Variants in PPFIA4 observed in about 807,000 individuals in gnomAD.
The protein encoded by PPFIA4 is liprin-alpha-4.
In PPFIA4, 98 loss-of-function variants were observed where a neutral mutation model predicts 145.7. That is an observed-to-expected ratio of 0.67 (90% CI 0.57 to 0.80). The LOEUF is 0.80. Among genes scored for constraint, PPFIA4 ranks in the 30% least tolerant of loss-of-function variants. The pLI is 0.00. For synonymous variants in PPFIA4, 628 were observed against 649.6 expected, an observed-to-expected ratio of 0.97 and a Z score of 0.51; for missense variants, 1,457 against 1,632.7, an observed-to-expected ratio of 0.89 and a Z score of 1.85.
Position 203,043,389 on chromosome 1 carries a change from G to T in PPFIA4, c.235-8G>T, listed in dbSNP as rs1168758404. On this transcript the variant is annotated splice_polypyrimidine_tract_variant and splice_region_variant and intron_variant, in intron 2 of 29. Transcript: ENST00000295706. This position sits in a 1 kb window ranked among gnomAD's most constrained non-coding sequence, Gnocchi z 4.4. ...CCTGAAGCACTGAGGGGCCTTGGGG[G>T]TTTTCAGGAATTTGCCACCTTAACC... The T allele has an allele frequency of 2.5e-6, 4 of 1,605,696 alleles. No individual in the cohort carries two copies. In the South Asian group the frequency reaches 4.5e-5, roughly 18 times the overall value.
At chr1:203,063,721 C>A in intron 24 of PPFIA4, 107 bp from the exon 25 acceptor site, 1 of 1,142,920 alleles carries the variant, frequency 8.7e-7, no homozygotes, top group Non-Finnish European at 1.3e-6. Flanking sequence ...CTTCCTCCCT[C>A]ATGGGTGGAG....
intron 9 of PPFIA4, among the ~76,000 whole-genome samples, chr1:203,047,540 A>C (rs1040011746): frequency 1.3e-5 from 2 of 152,100 alleles, no homozygotes; most frequent in Non-Finnish European, 2.9e-5. Flanking sequence ...GCTTTCTAGA[A>C]TATCTTGCCA....
chr1:203,039,941 G>T (rs528421795), intron 2 of PPFIA4, among the ~76,000 whole-genome samples: 1 of 152,336 alleles, frequency 6.6e-6, no homozygotes, highest in South Asian at 2.1e-4. Context: ...GTGGAGGCAG[G>T]AACTGAGCCT....
Position 203,060,557 on chromosome 1 carries a change from C to A in PPFIA4, c.2784+140C>A. Reference sequence around the variant, plus strand: ...ATCCTCACAAAGGGCTCTCCCTGGTCTTCAGGAGGATATGATGTTGATTCT... The same window carrying A: ...ATCCTCACAAAGGGCTCTCCCTGGTATTCAGGAGGATATGATGTTGATTCT... On this transcript the variant is annotated intron_variant, in intron 22 of 29. Coordinates refer to ENST00000295706, the MANE Select transcript of PPFIA4 (RefSeq NM_001304331.2). This position sits in a 1 kb window ranked among gnomAD's most constrained non-coding sequence, Gnocchi z 4.8. 1.1e-6 allele frequency: 1 copy of A among 883,106 alleles called. No homozygotes were observed. The highest frequency in any genetic ancestry group is 1.7e-6 in the Non-Finnish European group (1 of 576,444). 54.7% of individuals were successfully genotyped at this position (883,106 alleles called of 1,614,324 possible). A position where few individuals can be genotyped will look rare whatever the true frequency, so the allele number is the denominator to read the frequency against.
chr1:203,063,112 T>C (rs914255621), intron 24 of PPFIA4: 7 of 152,084 alleles, frequency 4.6e-5, no homozygotes, highest in African/African-American at 1.7e-4. Context: ...AAGAGTGAGG[T>C]AGGGTCGCTA....
chr1:203,064,045 C>T, intron 25 of PPFIA4, 42 bp downstream of exon 25: 2 of 1,590,174 alleles, frequency 1.3e-6, no homozygotes, highest in Non-Finnish European at 1.7e-6. Context: ...CTCGTGGGGG[C>T]CTCCCCTAGC....
At chr1:203,030,146 A>G (rs1658713689) in intron 1 of PPFIA4, among the ~76,000 whole-genome samples, 1 of 152,064 alleles carries the variant, frequency 6.6e-6, no homozygotes, top group Non-Finnish European at 1.5e-5. Context: ...AGCCTTCCTC[A>G]TTTGATAGTG....
At position 203,048,218 on chromosome 1, in the gene PPFIA4, T is replaced by C; in HGVS notation, c.1141-9T>C. 17 of 1,612,534 alleles carry C rather than the reference T, an allele frequency of 1.1e-5. No individual in the cohort carries two copies. Among genetic ancestry groups the C allele is most frequent in the Non-Finnish European group, 1.4e-5 (17 of 1,179,722 alleles). ...TCTGCGGGCTGCACCGACCCATCCC[T>C]GCCCCTAGGCTGAAGAACGGCATGG... On this transcript the variant is annotated splice_polypyrimidine_tract_variant and intron_variant, in intron 9 of 29. Transcript: ENST00000295706. The surrounding 1 kb of genome is among the most constrained non-coding windows in gnomAD (Gnocchi z 5.8).
At position 203,051,837 on chromosome 1, in the gene PPFIA4, T is replaced by C; in HGVS notation, c.1580T>C (p.Val527Ala). 1 of 1,613,786 alleles carries C rather than the reference T, an allele frequency of 6.2e-7. No homozygotes were observed. The highest frequency in any genetic ancestry group is 8.5e-7 in the Non-Finnish European group (1 of 1,179,828). The change falls in exon 14 of 30, where the codon GTG becomes GCG. Residue 527 changes from valine (V) to alanine (A), a missense_variant. This residue lies in a region of PPFIA4 where 848 missense variants were observed against 1,046.7 expected (regional missense o/e 0.81). Transcript: ENST00000295706. ...ACAACCACACACGCACCCCCAGGCG[T>C]GCATCGCCGCTACTCGGCATTGAGG... ...LGTTTHAPPG[V>A]HRRYSALREE...
At chr1:203,049,588 T>A in intron 12 of PPFIA4, 88 bp from the exon 13 acceptor site, 1 of 1,153,326 alleles carries the variant, frequency 8.7e-7, no homozygotes, top group South Asian at 1.9e-5. Flanking sequence ...AACTCTGCTG[T>A]CCTCTTTGTC....
intron 14 of PPFIA4, 33 bp downstream of exon 14, chr1:203,051,910 T>C: frequency 4.4e-6 from 7 of 1,604,054 alleles, no homozygotes; most frequent in Non-Finnish European, 6.0e-6. Flanking sequence ...TCAGGGAGTT[T>C]GGGGTCAATT....
chr1:203,044,006 G>T lies in PPFIA4; in HGVS notation c.412G>T (p.Ala138Ser), dbSNP rs1659885469. Residue 138 changes from alanine (A) to serine (S), a missense_variant, in exon 4 of 30, where the codon GCC (alanine) becomes TCC (serine). Transcript: ENST00000295706. ...SLRMTVVKRQ[A>S]QSPSGVSSEV... Reference sequence around the variant, plus strand: ...GCGGATGACTGTGGTGAAGCGCCAGGCCCAGTCACCTTCGGGGGTCTCCAG... The same window carrying T: ...GCGGATGACTGTGGTGAAGCGCCAGTCCCAGTCACCTTCGGGGGTCTCCAG... 1 of 1,612,232 alleles carries T rather than the reference G, an allele frequency of 6.2e-7. No individual in the cohort carries two copies. Among genetic ancestry groups the T allele is most frequent in the Admixed American group, 1.7e-5 (1 of 59,926 alleles).
rs776027422 is a variant in PPFIA4 at position 203,045,368 on chromosome 1, G to A, written c.667G>A (p.Glu223Lys). 1.8e-5 allele frequency: 28 copies of A among 1,589,490 alleles called. No individual in the cohort carries two copies. The highest frequency in any genetic ancestry group is 2.4e-5 in the Non-Finnish European group (28 of 1,168,576). Residue 223 changes from glutamate (E) to lysine (K), a missense_variant and splice_region_variant, in exon 7 of 30, where the codon GAG (glutamate) becomes AAG (lysine). Glu to Lys is a moderately conservative substitution (Grantham distance 56, BLOSUM62 1). Around this residue, in one of 3 missense-constraint regions of PPFIA4, gnomAD observed 463 missense variants for 459.8 expected, o/e 1.01. Coordinates refer to ENST00000295706, the MANE Select transcript of PPFIA4 (RefSeq NM_001304331.2). Reference protein sequence around the residue: ...VELGPKRLWKEDTGRVEELQE... With the variant: ...VELGPKRLWKKDTGRVEELQE... ...AGAGCTACTGTCCCTATCCCTGGAG[G>A]AGGATACGGGCCGGGTAGAGGAGCT...
At chr1:203,041,577 G>GGA (rs1189061080) in intron 2 of PPFIA4, among the ~76,000 whole-genome samples, 1 of 152,216 alleles carries the variant, frequency 6.6e-6, no homozygotes, top group Non-Finnish European at 1.5e-5. Flanking sequence ...GGGTGACAGA[G>GGA]GAGACCGTCT....
Position 203,043,358 on chromosome 1 carries a change from G to A in PPFIA4, c.235-39G>A, listed in dbSNP as rs374784136. The stretch of plus-strand genomic sequence containing the variant: ...GCATGTGCAGGACACTGCTTTGGGG[G>A]TGAATCCTGAAGCACTGAGGGGCCT... On this transcript the variant is annotated intron_variant, in intron 2 of 29. Transcript: ENST00000295706. This position sits in a 1 kb window ranked among gnomAD's most constrained non-coding sequence, Gnocchi z 4.4. 87 of 1,549,806 alleles carry A rather than the reference G, an allele frequency of 5.6e-5. No homozygotes were observed. The African/African-American group carries it at 9.4e-4, about 17-fold the overall frequency.
chr1:203,043,563 G>T lies in PPFIA4; in HGVS notation c.336+65G>T. 7.0e-7 allele frequency: 1 copy of T among 1,422,216 alleles called. No homozygotes were observed. The highest frequency in any genetic ancestry group is 9.7e-7 in the Non-Finnish European group (1 of 1,029,762). The allele number at this position is 1,422,216 out of a possible 1,614,324, so 88.1% of individuals were successfully genotyped here. ...GTGTGTGTGTGTATGGGGGTGTGTTGTGAACACCTTGACCAAGAGAGCAGG... is the reference window on the plus strand; with the variant it reads ...GTGTGTGTGTGTATGGGGGTGTGTTTTGAACACCTTGACCAAGAGAGCAGG... On this transcript the variant is annotated intron_variant, in intron 3 of 29. Coordinates refer to ENST00000295706, the MANE Select transcript of PPFIA4 (RefSeq NM_001304331.2). This position sits in a 1 kb window ranked among gnomAD's most constrained non-coding sequence, Gnocchi z 4.4.
chr1:203,075,497 C>T lies in PPFIA4; in HGVS notation c.3394-80C>T. 1.6e-6 allele frequency: 2 copies of T among 1,215,664 alleles called. No homozygotes were observed. The highest frequency in any genetic ancestry group is 2.1e-6 in the Non-Finnish European group (2 of 943,148). 75.3% of individuals were successfully genotyped at this position (1,215,664 alleles called of 1,614,324 possible). A position where few individuals can be genotyped will look rare whatever the true frequency, so the allele number is the denominator to read the frequency against. On this transcript the variant is annotated intron_variant, in intron 28 of 29. Transcript: ENST00000295706. The surrounding 1 kb of genome is among the most constrained non-coding windows in gnomAD (Gnocchi z 4.1). ...GGAGTGGTGCCCCTTGAACCAGCAG[C>T]GACTGGCCCCCTCCAGGCAGGGCGT...
intron 1 of PPFIA4, among the ~76,000 whole-genome samples, chr1:203,037,655 G>T (rs548645668): frequency 1.3e-5 from 2 of 152,292 alleles, no homozygotes; most frequent in South Asian, 4.1e-4. Flanking sequence ...TGACCATTGG[G>T]CTCCTGTGCC....
At chr1:203,027,214 GGGGGTGGGGACA>G (rs1658468461) in intron 1 of PPFIA4, among the ~76,000 whole-genome samples, 1 of 152,162 alleles carries the variant, frequency 6.6e-6, no homozygotes, top group Non-Finnish European at 1.5e-5. Context: ...GAGGCCTGGT[GGGGGTGGGGACA>G]GGGGTGGGCG....
Sources: gnomAD v4.1 joint callset for allele counts (sites outside exome capture counted in the v4.1 genomes callset) on GRCh38, gnomAD v4.1.1 for gene constraint, gnomAD v4.1.1 regional missense constraint, Gnocchi (gnomAD v3.1) non-coding constraint, MANE v1.5 for transcripts, NCBI Gene and HGNC (gene_info 2026-07-23, HGNC 2026-07-21) for gene names.